PTPRD: variants seen among roughly 807,000 people sequenced by gnomAD.
The protein encoded by PTPRD is protein tyrosine phosphatase receptor type D.
In PTPRD, 34 loss-of-function variants were observed where a neutral mutation model predicts 214.5. The ratio of observed to expected loss-of-function variants is 0.16; its 90% CI spans 0.12 to 0.21. The LOEUF (loss-of-function observed/expected upper bound fraction) is 0.21, where lower values mean the gene tolerates loss of function less well. Among genes scored for constraint, PTPRD ranks in the 10% least tolerant of loss-of-function variants. The pLI, the probability that PTPRD is intolerant of heterozygous loss-of-function variation, is 1.00. For missense variants in PTPRD, 2,545 were observed against 2,398.7 expected (o/e 1.06, Z -1.27); for synonymous variants, 1,128 against 845.7 (o/e 1.33, Z -5.79).
intron 7 of PTPRD, among the ~76,000 whole-genome samples, chr9:9,581,559 C>T: frequency 6.6e-6 from 1 of 152,064 alleles, no homozygotes; most frequent in East Asian, 1.9e-4. Flanking sequence ...AAACCTTGCA[C>T]ATTATAAACT....
intron 3 of PTPRD, among the ~76,000 whole-genome samples, chr9:10,138,164 G>GATA (rs2098956001): frequency 6.6e-6 from 1 of 151,894 alleles, no homozygotes; most frequent in Non-Finnish European, 1.5e-5. Flanking sequence ...AGAGAAAAGA[G>GATA]ATAAGATCTA....
chr9:8,600,188 C>T (rs2094754951), intron 14 of PTPRD, among the ~76,000 whole-genome samples: 1 of 152,196 alleles, frequency 6.6e-6, no homozygotes, highest in African/African-American at 2.4e-5. Context: ...TCAGCCGACA[C>T]CTGCCCATGG....
chr9:10,375,483 A>G (rs2097710813), intron 2 of PTPRD, among the ~76,000 whole-genome samples: 1 of 152,038 alleles, frequency 6.6e-6, no homozygotes, highest in African/African-American at 2.4e-5. Flanking sequence ...AGGAGAAGAT[A>G]TCTGAAATGT....
At chr9:8,850,704 T>TAAGAG (rs1475454408) in intron 11 of PTPRD, among the ~76,000 whole-genome samples, 1 of 152,190 alleles carries the variant, frequency 6.6e-6, no homozygotes, top group Non-Finnish European at 1.5e-5. Flanking sequence ...TACAAAATCA[T>TAAGAG]AATGAGCTAT....
intron 5 of PTPRD, among the ~76,000 whole-genome samples, chr9:9,779,347 G>T (rs72710118): frequency 0.051 from 7,742 of 152,002 alleles, 271 homozygotes; most frequent in Non-Finnish European, 0.077. Context: ...AACAAAAACT[G>T]ATAAGTGGCA....
At chr9:9,637,248 C>T (rs1283976786) in intron 7 of PTPRD, among the ~76,000 whole-genome samples, 1 of 152,138 alleles carries the variant, frequency 6.6e-6, no homozygotes, top group Non-Finnish European at 1.5e-5. Context: ...AGTCTTAATT[C>T]ACTCTAGCAT....
Position 9,474,263 on chromosome 9 carries a change from G to A in PTPRD, c.-236-76781C>T, listed in dbSNP as rs182450321. On this transcript the variant is annotated intron_variant, in intron 8 of 45. Coordinates refer to ENST00000381196, the MANE Select transcript of PTPRD (RefSeq NM_002839.4). ...TACCTCTATAGAAAATCAGGTGGCTGCAATAGGTAAATTAATTTCTGATTT... is the reference window on the plus strand; with the variant it reads ...TACCTCTATAGAAAATCAGGTGGCTACAATAGGTAAATTAATTTCTGATTT... Among the ~76,000 whole-genome samples the A allele has an allele frequency of 2.2e-4, 34 of 152,106 alleles. 1 individual carries two copies. Among genetic ancestry groups the A allele is most frequent in the Admixed American group, 7.9e-4 (12 of 15,280 alleles).
chr9:8,478,712 C>A (rs773515856), intron 30 of PTPRD, among the ~76,000 whole-genome samples: 1 of 152,152 alleles, frequency 6.6e-6, no homozygotes, highest in Admixed American at 6.6e-5. Context: ...CTTGCAGTAT[C>A]CTTAAGGCTG....
At chr9:10,551,894 T>C (rs2061443369) in intron 2 of PTPRD, among the ~76,000 whole-genome samples, 1 of 152,184 alleles carries the variant, frequency 6.6e-6, no homozygotes, top group Non-Finnish European at 1.5e-5. Context: ...CTGTCTTTCA[T>C]TTCTACCATG....
At chr9:9,783,185 T>G (rs2098873720) in intron 5 of PTPRD, among the ~76,000 whole-genome samples, 1 of 152,208 alleles carries the variant, frequency 6.6e-6, no homozygotes. Context: ...GCTGTTTGTT[T>G]TTGATTCTGT....
chr9:10,169,335 G>A (rs953138407), intron 3 of PTPRD, among the ~76,000 whole-genome samples: 1 of 151,478 alleles, frequency 6.6e-6, no homozygotes, highest in South Asian at 2.1e-4. Context: ...TTAGCCGGGC[G>A]TGGTGGCGGG....
chr9:9,691,947 T>C (rs1352155104), intron 7 of PTPRD, among the ~76,000 whole-genome samples: 1 of 152,034 alleles, frequency 6.6e-6, no homozygotes, highest in Non-Finnish European at 1.5e-5. Context: ...TATTGAAATA[T>C]TTTGCCCATT....
chr9:9,829,416 G>T (rs963688758), intron 5 of PTPRD, among the ~76,000 whole-genome samples: 5 of 151,738 alleles, frequency 3.3e-5, no homozygotes, highest in Non-Finnish European at 7.4e-5. Context: ...TACAAGCACA[G>T]GTGTTGTGGA....
At chr9:9,964,047 G>GAGGCAGAGGC (rs893250427) in intron 4 of PTPRD, among the ~76,000 whole-genome samples, 2 of 152,132 alleles carry the variant, frequency 1.3e-5, no homozygotes, top group South Asian at 2.1e-4. Context: ...GAGCCAGACA[G>GAGGCAGAGGC]AGGCAGAGGC....
chr9:10,071,144 G>A (rs533223404), intron 3 of PTPRD, among the ~76,000 whole-genome samples: 1 of 152,104 alleles, frequency 6.6e-6, no homozygotes, highest in African/African-American at 2.4e-5. Context: ...GAGATTTCAT[G>A]ATTACAGATT....
chr9:8,549,823 C>T (rs1383943018), intron 14 of PTPRD, among the ~76,000 whole-genome samples: 4 of 152,042 alleles, frequency 2.6e-5, no homozygotes, highest in Admixed American at 6.6e-5. Flanking sequence ...AAAATTATTA[C>T]AAAAGAAAGA....
intron 8 of PTPRD, among the ~76,000 whole-genome samples, chr9:9,526,913 T>C (rs1569569012): frequency 6.6e-6 from 1 of 152,170 alleles, no homozygotes. Flanking sequence ...AAATTGCTTA[T>C]TTTAACCCAG....
rs1402915699 is a variant in PTPRD at position 8,376,008 on chromosome 9, G to T, written c.4589C>A (p.Pro1530His). 6.2e-7 allele frequency: 1 copy of T among 1,612,972 alleles called. No homozygotes were observed. Among genetic ancestry groups the T allele is most frequent in the South Asian group, 1.1e-5 (1 of 91,052 alleles). ...PDHGVPEHPT[P>H]FLAFLRRVKT... ...GACTCTACGTAAGAAAGCTAGAAAA[G>T]GTGTAGGGTGTTCTGGAACACCATG... Residue 1530 changes from proline to histidine, a missense_variant, in exon 39 of 46, where the codon CCT becomes CAT. Pro to His is a moderately conservative substitution (Grantham distance 77). Coordinates refer to ENST00000381196, the MANE Select transcript of PTPRD (RefSeq NM_002839.4).
intron 7 of PTPRD, among the ~76,000 whole-genome samples, chr9:9,636,459 G>C (rs950890943): frequency 1.3e-4 from 20 of 152,098 alleles, no homozygotes; most frequent in African/African-American, 4.1e-4. Flanking sequence ...TATAGATATA[G>C]ATGTAGATAC....
Sources: gnomAD v4.1 joint callset for allele counts (sites outside exome capture counted in the v4.1 genomes callset) on GRCh38, gnomAD v4.1.1 for gene constraint, MANE v1.5 for transcripts, NCBI Gene and HGNC (gene_info 2026-07-23, HGNC 2026-07-21) for gene names.